Variants in PHF19 observed in about 807,000 individuals in gnomAD.
PHF19 encodes polycomb like 3.
Under a neutral mutation model 79.8 loss-of-function variants are expected in PHF19, and 21 were observed. The observed-to-expected ratio is 0.26, with a 90% CI of 0.19 to 0.38. The LOEUF is 0.38. Ranked by LOEUF, PHF19 falls within the 10% of genes least tolerant of loss-of-function variation. PHF19 has a pLI of 1.00. For synonymous variants in PHF19, 273 were observed against 296.3 expected (o/e 0.92, Z 0.81); for missense variants, 445 against 744.2 (o/e 0.60, Z 4.68).
chr9:120,897,978 C>CA (rs577932181), upstream of PHF19, among the ~76,000 whole-genome samples: 1,620 of 99,520 alleles, frequency 0.016, 19 homozygotes, highest in African/African-American at 0.046. Flanking sequence ...GACCCCGTCT[C>CA]AAAAAAAAAA....
At position 120,869,894 on chromosome 9, in the gene PHF19, A is replaced by G. The variant is rs753929814; in HGVS notation, c.416T>C (p.Leu139Pro). The change falls in exon 5 of 15, where the codon CTG becomes CCG. Residue 139 changes from leucine to proline, a missense_variant. Transcript: ENST00000373896. The surrounding 1 kb of genome is among the most constrained non-coding windows in gnomAD (Gnocchi z 5.8). ...IPIAGSADQP[L>P]LTPWFCRRCI... Reference sequence around the variant, plus strand: ...GCGTCGGCAGAACCAAGGTGTGAGCAGGGGCTGGTCAGCACTGCCCGCTAT... The same window carrying G: ...GCGTCGGCAGAACCAAGGTGTGAGCGGGGGCTGGTCAGCACTGCCCGCTAT... The G allele has an allele frequency of 3.1e-6, 5 of 1,603,860 alleles. No individual in the cohort carries two copies. Among genetic ancestry groups the G allele is most frequent in the Non-Finnish European group, 4.3e-6 (5 of 1,175,554 alleles).
chr9:120,869,130 G>C lies in PHF19; in HGVS notation c.614+52C>G. On this transcript the variant is annotated intron_variant, in intron 6 of 14. Coordinates refer to ENST00000373896, the MANE Select transcript of PHF19 (RefSeq NM_015651.3). This position sits in a 1 kb window ranked among gnomAD's most constrained non-coding sequence, Gnocchi z 5.8. ...CTCCCTATGGGCGGTCCCTGCTGGCGATTCTTGGAGACCTGCCCTGCCGCC... is the reference window on the plus strand; with the variant it reads ...CTCCCTATGGGCGGTCCCTGCTGGCCATTCTTGGAGACCTGCCCTGCCGCC... 1 of 1,551,146 alleles carries C rather than the reference G, an allele frequency of 6.4e-7. No individual in the cohort carries two copies. The highest frequency in any genetic ancestry group is 1.2e-5 in the South Asian group (1 of 84,222).
chr9:120,865,909 C>G, intron 8 of PHF19, 79 bp from the exon 9 acceptor site: 1 of 1,606,172 alleles, frequency 6.2e-7, no homozygotes, highest in Non-Finnish European at 8.5e-7. Flanking sequence ...TGGGTCCAGG[C>G]TGAGAGACAG....
At chr9:120,872,038 A>AC (rs1491165025) in intron 3 of PHF19, among the ~76,000 whole-genome samples, 1 of 52,504 alleles carries the variant, frequency 1.9e-5, no homozygotes, top group Non-Finnish European at 4.4e-5. Context: ...ACTCTGTCTC[A>AC]AAAAAAAAAA....
chr9:120,877,291 AG>A (rs1002525123), upstream of PHF19: 1 of 951,542 alleles, frequency 1.1e-6, no homozygotes, highest in Non-Finnish European at 1.2e-6. Context: ...CGGGGCGCTC[AG>A]GAAGGGGCCC....
At chr9:120,858,322 G>T (rs1471055638) in intron 14 of PHF19, 36 bp from the exon 15 acceptor site, 1 of 1,451,508 alleles carries the variant, frequency 6.9e-7, no homozygotes, top group Non-Finnish European at 9.2e-7. Context: ...TGATGAGAAT[G>T]AGGTAGAACA....
rs369587935 is a variant in PHF19 at position 120,862,628 on chromosome 9, C to T, written c.1090G>A (p.Ala364Thr). ...DKGLLPNENS[A>T]SSELRKRGKS... ...CCTCTCTTACGCAGCTCAGAGGAGG[C>T]GCTGTTCTCATTTGGCAGCAGTCCT... is the stretch of plus-strand genomic sequence containing the variant. Residue 364 changes from alanine (A) to threonine (T), a missense_variant, in exon 11 of 15, where the codon GCC becomes ACC. Transcript: ENST00000373896. This position sits in a 1 kb window ranked among gnomAD's most constrained non-coding sequence, Gnocchi z 4.6. The T allele has an allele frequency of 1.4e-4, 231 of 1,614,116 alleles. No homozygotes were observed. Among genetic ancestry groups the T allele is most frequent in the Non-Finnish European group, 1.8e-4 (218 of 1,179,996 alleles).
chr9:120,862,027 A>G lies in PHF19; in HGVS notation c.1131-22T>C. The G allele has an allele frequency of 6.3e-7, 1 of 1,589,744 alleles. No homozygotes were observed. The highest frequency in any genetic ancestry group is 8.6e-7 in the Non-Finnish European group (1 of 1,157,834). ...CAAACTGTGGAGACAGAAGAGGGAG[A>G]AGGTGGCCCCGTCAGAGCCTGAGGG... On this transcript the variant is annotated intron_variant, in intron 11 of 14. Coordinates refer to ENST00000373896, the MANE Select transcript of PHF19 (RefSeq NM_015651.3). The surrounding 1 kb of genome is among the most constrained non-coding windows in gnomAD (Gnocchi z 4.6).
intron 12 of PHF19, among the ~76,000 whole-genome samples, 175 bp downstream of exon 12, chr9:120,861,743 G>T (rs545542183): frequency 6.6e-6 from 1 of 152,096 alleles, no homozygotes; most frequent in African/African-American, 2.4e-5. Context: ...GGAGAACTTG[G>T]GGGGAGATAA....
Position 120,869,995 on chromosome 9 carries a change from A to G in PHF19, c.365-50T>C. On this transcript the variant is annotated intron_variant, in intron 4 of 14. Coordinates refer to ENST00000373896, the MANE Select transcript of PHF19 (RefSeq NM_015651.3). This position sits in a 1 kb window ranked among gnomAD's most constrained non-coding sequence, Gnocchi z 5.8. ...GCGCCCACAAGGACATCGTGGCCCA[A>G]GGCCAGTTGGCCCAAAGGAGGCAGG... 6.5e-7 allele frequency: 1 copy of G among 1,539,778 alleles called. No individual in the cohort carries two copies. Among genetic ancestry groups the G allele is most frequent in the Non-Finnish European group, 8.8e-7 (1 of 1,141,306 alleles).
At chr9:120,863,646 G>A (rs572000284) in intron 10 of PHF19, among the ~76,000 whole-genome samples, 59 of 152,230 alleles carry the variant, frequency 3.9e-4, no homozygotes, top group Middle Eastern at 3.4e-3. Flanking sequence ...GTGGTGTAGT[G>A]AGGGACATGG....
At chr9:120,896,752 C>T (rs977434542), upstream of PHF19, among the ~76,000 whole-genome samples, 4 of 152,058 alleles carry the variant, frequency 2.6e-5, no homozygotes, top group Non-Finnish European at 5.9e-5. Context: ...CGTGCCCGGC[C>T]GTTTGTATGG....
intron 1 of PHF19, among the ~76,000 whole-genome samples, chr9:120,886,022 G>A (rs991155931): frequency 5.3e-5 from 8 of 152,118 alleles, no homozygotes; most frequent in Admixed American, 2.0e-4. Context: ...CCTGATCTTC[G>A]GCTTAAGTTG....
chr9:120,863,216 A>C (rs2045588211), intron 10 of PHF19, among the ~76,000 whole-genome samples: 1 of 149,574 alleles, frequency 6.7e-6, no homozygotes, highest in Admixed American at 6.6e-5. Context: ...CTGCCCTCCC[A>C]ATAGAGGACT....
intron 12 of PHF19, among the ~76,000 whole-genome samples, 200 bp from the exon 13 acceptor site, chr9:120,861,374 C>A (rs1389360841): frequency 6.6e-6 from 1 of 152,118 alleles, no homozygotes; most frequent in South Asian, 2.1e-4. Flanking sequence ...GCTGACTGTA[C>A]GACCTTCACG....
chr9:120,872,726 C>CCCA (rs1354572836), intron 3 of PHF19, among the ~76,000 whole-genome samples: 3 of 148,910 alleles, frequency 2.0e-5, no homozygotes, highest in Admixed American at 1.3e-4. Flanking sequence ...CGCTCTGTTG[C>CCCA]CCAGGCTGGA....
At chr9:120,877,192 C>T (rs1280280325), upstream of PHF19, 1 of 980,320 alleles carries the variant, frequency 1.0e-6, no homozygotes, top group Non-Finnish European at 1.2e-6. Context: ...GCCGAGTGTC[C>T]GCCCGTGGGG....
At chr9:120,884,981 A>C (rs2046242842) in intron 1 of PHF19, among the ~76,000 whole-genome samples, 1 of 152,114 alleles carries the variant, frequency 6.6e-6, no homozygotes, top group Non-Finnish European at 1.5e-5. Flanking sequence ...ACTACTTAGG[A>C]GGTTGAGGTG....
intron 14 of PHF19, among the ~76,000 whole-genome samples, chr9:120,858,654 C>G (rs779732692): frequency 3.9e-5 from 6 of 152,136 alleles, no homozygotes; most frequent in Admixed American, 2.6e-4. Context: ...ACAAGAGCAC[C>G]ATTCTCTGAG....
Sources: gnomAD v4.1 joint callset for allele counts (sites outside exome capture counted in the v4.1 genomes callset) on GRCh38, gnomAD v4.1.1 for gene constraint, Gnocchi (gnomAD v3.1) non-coding constraint, MANE v1.5 for transcripts, NCBI Gene and HGNC (gene_info 2026-07-23, HGNC 2026-07-21) for gene names.